TOGARAM1: variants seen among roughly 807,000 people sequenced by gnomAD.
TOGARAM1 encodes TOG array regulator of axonemal microtubules 1.
A neutral mutation model predicts 166.6 loss-of-function variants in TOGARAM1; 100 were observed. The observed-to-expected ratio is 0.60, with a 90% CI of 0.51 to 0.71. The LOEUF is 0.71. TOGARAM1 is among the 30% of genes least tolerant of loss of function. The pLI is 0.00. For missense variants in TOGARAM1, 2,029 were observed against 2,102.7 expected, an observed-to-expected ratio of 0.96 and a Z score of 0.69; for synonymous variants, 758 against 763.8, an observed-to-expected ratio of 0.99 and a Z score of 0.13.
chr14:45,037,450 C>T, intron 11 of TOGARAM1, among the ~76,000 whole-genome samples: 1 of 152,148 alleles, frequency 6.6e-6, no homozygotes, highest in East Asian at 1.9e-4. Flanking sequence ...GCAACACATT[C>T]ATGGAGAGGG....
rs370630834 is a variant in TOGARAM1 at position 44,992,547 on chromosome 14, C to A, written c.2047-3199C>A. Among the ~76,000 whole-genome samples, 5 of 151,842 alleles carry A rather than the reference C, an allele frequency of 3.3e-5. No homozygotes were observed. The East Asian group carries it at 5.8e-4, about 18-fold the overall frequency. On this transcript the variant is annotated intron_variant, in intron 1 of 19. Coordinates refer to ENST00000361462, the MANE Select transcript of TOGARAM1 (RefSeq NM_001308120.2). ...CTATTTTTGAGATGCTTTAATACTC[C>A]CTGCCAAAAGCTGCAATAGGATGCA...
rs1349458096 is a variant in TOGARAM1, at chr14:45,025,769, T to G, written c.3239-14T>G. 1.3e-6 allele frequency: 2 copies of G among 1,518,416 alleles called. No individual in the cohort carries two copies. The highest frequency in any genetic ancestry group is 1.8e-6 in the Non-Finnish European group (2 of 1,096,298). 94.1% of individuals were successfully genotyped at this position (1,518,416 alleles called of 1,614,324 possible). ...ATGTTTAAGTATTTGTTTTGTTTTTTGGGGGATTTACAGGGTCATCATCAA... is the reference window on the plus strand; with the variant it reads ...ATGTTTAAGTATTTGTTTTGTTTTTGGGGGGATTTACAGGGTCATCATCAA... On this transcript the variant is annotated splice_polypyrimidine_tract_variant and intron_variant, in intron 7 of 19. Transcript: ENST00000361462.
chr14:44,968,233 T>A (rs1163287796), intron 1 of TOGARAM1, among the ~76,000 whole-genome samples: 3 of 152,184 alleles, frequency 2.0e-5, no homozygotes, highest in Non-Finnish European at 4.4e-5. Flanking sequence ...TATATATACA[T>A]GCATATTTTA....
chr14:45,045,881 T>A (rs554687145), intron 13 of TOGARAM1, among the ~76,000 whole-genome samples: 1 of 151,550 alleles, frequency 6.6e-6, no homozygotes, highest in East Asian at 1.9e-4. Context: ...CTTTTTCACA[T>A]AATGACTTTT....
At chr14:45,019,123 G>T (rs568633944) in intron 7 of TOGARAM1, among the ~76,000 whole-genome samples, 5 of 151,992 alleles carry the variant, frequency 3.3e-5, no homozygotes, top group Non-Finnish European at 7.4e-5. Context: ...CATTTTTATT[G>T]GTAGCATTAC....
chr14:45,073,677 C>A lies in TOGARAM1; in HGVS notation c.*116C>A. Reference sequence around the variant, plus strand: ...CACATCCAGCAAATTAAGTCAATGGCTATTTTTATTTGCAGCCTATGAGTA... The same window carrying A: ...CACATCCAGCAAATTAAGTCAATGGATATTTTTATTTGCAGCCTATGAGTA... On this transcript the variant is annotated 3_prime_UTR_variant, in exon 20 of 20. Transcript: ENST00000361462. The A allele has an allele frequency of 2.1e-6, 2 of 968,702 alleles. No individual in the cohort carries two copies. Among genetic ancestry groups the A allele is most frequent in the Non-Finnish European group, 3.0e-6 (2 of 668,140 alleles). 60.0% of individuals were successfully genotyped at this position (968,702 alleles called of 1,614,324 possible). A position where few individuals can be genotyped will look rare whatever the true frequency, so the allele number is the denominator to read the frequency against.
At position 44,962,489 on chromosome 14, in the gene TOGARAM1, A is replaced by G. The variant is rs771024590; in HGVS notation, c.68A>G (p.Gln23Arg). Residue 23 changes from glutamine (Q) to arginine (R), a missense_variant, in exon 1 of 20, where the codon CAG becomes CGG. This residue lies in a region of TOGARAM1 where 1,453 missense variants were observed against 1,432.2 expected (regional missense o/e 1.01). Transcript: ENST00000361462. ...PFPVLSTYRLQSRSRPSAPET... is the reference protein window; with the variant it reads ...PFPVLSTYRLRSRSRPSAPET... Reference sequence around the variant, plus strand: ...CCAGTCCTCTCTACCTATCGGCTCCAGAGCCGCAGTCGTCCTTCCGCCCCA... The same window carrying G: ...CCAGTCCTCTCTACCTATCGGCTCCGGAGCCGCAGTCGTCCTTCCGCCCCA... 38 of 1,610,492 alleles carry G rather than the reference A, an allele frequency of 2.4e-5. No homozygotes were observed. Among genetic ancestry groups the G allele is most frequent in the South Asian group, 5.5e-5 (5 of 90,746 alleles).
chr14:45,036,958 G>A (rs1170419607), intron 11 of TOGARAM1, among the ~76,000 whole-genome samples: 1 of 152,174 alleles, frequency 6.6e-6, no homozygotes, highest in African/African-American at 2.4e-5. Flanking sequence ...GTGGCAGCAA[G>A]AGAAAATGAA....
rs564451575 is a variant in TOGARAM1, at chr14:44,974,351, G to A, written c.2046+9884G>A. 2.0e-4 allele frequency among the ~76,000 whole-genome samples: 31 copies of A among 151,606 alleles called. No individual in the cohort carries two copies. In the South Asian group the frequency reaches 3.5e-3, roughly 17 times the overall value. ...TGTTTTTGATTTCTAGGTTTCTTTT[G>A]TGTTCCTTCTTAGAAGTAACGCTTC... On this transcript the variant is annotated intron_variant, in intron 1 of 19. Transcript: ENST00000361462.
At chr14:44,992,876 C>G (rs1252752631) in intron 1 of TOGARAM1, among the ~76,000 whole-genome samples, 5 of 151,432 alleles carry the variant, frequency 3.3e-5, no homozygotes, top group Non-Finnish European at 5.9e-5. Flanking sequence ...CTGGGCCTCC[C>G]AAAGTGCTGG....
chr14:45,048,066 A>G (rs1040150796), intron 14 of TOGARAM1, among the ~76,000 whole-genome samples: 2 of 151,230 alleles, frequency 1.3e-5, no homozygotes, highest in African/African-American at 4.9e-5. Context: ...AAAAAAAAAA[A>G]AAAAAGGCTG....
intron 1 of TOGARAM1, among the ~76,000 whole-genome samples, chr14:44,974,181 G>A (rs1261372552): frequency 6.6e-6 from 1 of 151,596 alleles, no homozygotes; most frequent in African/African-American, 2.4e-5. Flanking sequence ...CACAGTTCTT[G>A]TATATTCTCT....
At chr14:45,047,640 G>A (rs751589306) in intron 14 of TOGARAM1, among the ~76,000 whole-genome samples, 2 of 152,032 alleles carry the variant, frequency 1.3e-5, no homozygotes, top group African/African-American at 4.8e-5. Context: ...TCTAGTCCCC[G>A]TCATTGTTTG....
intron 16 of TOGARAM1, among the ~76,000 whole-genome samples, chr14:45,061,787 TG>T (rs1202277164): frequency 1.3e-5 from 2 of 151,606 alleles, no homozygotes; most frequent in African/African-American, 4.9e-5. Context: ...TAAGTATTTT[TG>T]TATCTATAAT....
At chr14:45,059,913 ATTTT>A (rs1210596745) in intron 16 of TOGARAM1, among the ~76,000 whole-genome samples, 1 of 138,530 alleles carries the variant, frequency 7.2e-6, no homozygotes. Context: ...TAGAAATGCA[ATTTT>A]TTTTTTTTTT....
intron 1 of TOGARAM1, among the ~76,000 whole-genome samples, chr14:44,975,728 A>C (rs559989213): frequency 6.7e-6 from 1 of 148,522 alleles, no homozygotes; most frequent in African/African-American, 2.5e-5. Context: ...CAGCCTCCCA[A>C]AGTGCTGGGA....
intron 16 of TOGARAM1, 143 bp from the exon 17 acceptor site, chr14:45,066,435 C>A (rs1883140087): frequency 1.7e-6 from 1 of 599,312 alleles, no homozygotes; most frequent in African/African-American, 1.8e-5. Context: ...AGGAGAGATA[C>A]TGTGGCTATG....
intron 1 of TOGARAM1, among the ~76,000 whole-genome samples, chr14:44,981,300 T>C (rs1337839641): frequency 1.3e-5 from 2 of 152,152 alleles, no homozygotes; most frequent in Non-Finnish European, 2.9e-5. Context: ...GTGAATGACA[T>C]ACAGAACGAG....
chr14:44,972,147 T>A (rs1048670879), intron 1 of TOGARAM1, among the ~76,000 whole-genome samples: 1 of 152,100 alleles, frequency 6.6e-6, no homozygotes, highest in African/African-American at 2.4e-5. Flanking sequence ...CTTTCAACAT[T>A]GAGGATTACA....
Sources: allele counts gnomAD v4.1 joint callset (sites outside exome capture counted in the v4.1 genomes callset), GRCh38; gene constraint gnomAD v4.1.1; regional missense constraint gnomAD v4.1.1; transcripts MANE v1.5; gene names NCBI Gene and HGNC (gene_info 2026-07-23, HGNC 2026-07-21).